RBM33: variants seen among roughly 807,000 people sequenced by gnomAD.
RBM33 encodes the protein RNA binding motif protein 33.
RBM33 carries 28 observed loss-of-function variants against 132.6 expected under a neutral mutation model. That is an observed-to-expected ratio of 0.21 (90% CI 0.16 to 0.29). The LOEUF is 0.29. RBM33 is among the 10% of genes least tolerant of loss of function. The pLI is 1.00. For synonymous variants in RBM33, 634 were observed against 593.0 expected (o/e 1.07, Z -1.01); for missense variants, 1,291 against 1,518.5 (o/e 0.85, Z 2.49).
At position 155,711,246 on chromosome 7, in the gene RBM33, C is replaced by T. The variant is rs754757187; in HGVS notation, c.992C>T (p.Pro331Leu). 31 of 1,597,110 alleles carry T rather than the reference C, an allele frequency of 1.9e-5. No individual in the cohort carries two copies. Among genetic ancestry groups the T allele is most frequent in the Non-Finnish European group, 1.5e-5 (17 of 1,172,226 alleles). Residue 331 changes from proline (P) to leucine (L), a missense_variant, in exon 8 of 18, where the codon CCG becomes CTG. Pro to Leu is a moderately conservative substitution (Grantham distance 98). Around this residue, in one of 7 missense-constraint regions of RBM33, gnomAD observed 146 missense variants for 137.1 expected, o/e 1.07. Coordinates refer to ENST00000401878, the MANE Select transcript of RBM33 (RefSeq NM_053043.3). ...PPPPPPPQQQ[P>L]IRSLFQPQPL... The stretch of plus-strand genomic sequence containing the variant: ...CCGCCACCGCCGCCTCAGCAGCAGC[C>T]GATCAGAAGCCTGTTCCAGCCGCAG...
intron 13 of RBM33, 24 bp downstream of exon 13, chr7:155,742,130 A>G (rs1241597683): frequency 6.3e-7 from 1 of 1,579,808 alleles, no homozygotes; most frequent in Admixed American, 1.8e-5. Flanking sequence ...CTTATTAACA[A>G]ATGTTGGTCT....
rs1802526696 is a variant in RBM33 at position 155,774,064 on chromosome 7, C to T, written c.3376-495C>T. Among the ~76,000 whole-genome samples the T allele has an allele frequency of 6.6e-6, 1 of 152,256 alleles. No homozygotes were observed. Among genetic ancestry groups the T allele is most frequent in the African/African-American group, 2.4e-5 (1 of 41,474 alleles). On this transcript the variant is annotated intron_variant, in intron 16 of 17. Transcript: ENST00000401878. The surrounding 1 kb of genome is among the most constrained non-coding windows in gnomAD (Gnocchi z 4.2). The stretch of plus-strand genomic sequence containing the variant: ...TCTGCCCCAGGCACCACTGCCCTCA[C>T]CATGGCCCAGCCAGATGCACAGAGA...
chr7:155,697,543 TTTCTC>T (rs1362236047), intron 5 of RBM33, among the ~76,000 whole-genome samples: 1 of 152,098 alleles, frequency 6.6e-6, no homozygotes, highest in African/African-American at 2.4e-5. Context: ...TAAGCAATGT[TTTCTC>T]TTTTGCACTC....
At chr7:155,744,125 G>GT (rs765996317) in intron 13 of RBM33, among the ~76,000 whole-genome samples, 1 of 152,202 alleles carries the variant, frequency 6.6e-6, no homozygotes, top group Non-Finnish European at 1.5e-5. Flanking sequence ...AATTCTTAAG[G>GT]TTTATTTAGG....
At chr7:155,677,575 G>A (rs1407740392) in intron 3 of RBM33, among the ~76,000 whole-genome samples, 2 of 152,162 alleles carry the variant, frequency 1.3e-5, no homozygotes, top group Non-Finnish European at 2.9e-5. Flanking sequence ...TCTCCCTTCT[G>A]CAAATAAACT....
intron 9 of RBM33, among the ~76,000 whole-genome samples, chr7:155,737,167 G>A (rs894712930): frequency 6.6e-6 from 1 of 152,214 alleles, no homozygotes; most frequent in South Asian, 2.1e-4. Context: ...GTAACATGCT[G>A]CGCTGGTATG....
At chr7:155,761,160 C>T (rs997055358) in intron 14 of RBM33, among the ~76,000 whole-genome samples, 1 of 152,204 alleles carries the variant, frequency 6.6e-6, no homozygotes, top group African/African-American at 2.4e-5. Flanking sequence ...TGGGATGAAT[C>T]TTACCTGGTC....
intron 9 of RBM33, among the ~76,000 whole-genome samples, chr7:155,728,721 A>G (rs997197276): frequency 1.3e-5 from 2 of 152,176 alleles, no homozygotes; most frequent in Non-Finnish European, 2.9e-5. Context: ...TTACACTTAC[A>G]TATGTGATGA....
rs752301107 is a variant in RBM33, at chr7:155,775,360, C to G, written c.*319C>G. ...GTTCTTTGTGGTCTGACTCTATGAT[C>G]GATCACAGTGACTTAGATTCAGGAA... is the stretch of plus-strand genomic sequence containing the variant. On this transcript the variant is annotated 3_prime_UTR_variant, in exon 18 of 18. Transcript: ENST00000401878. 2 of 485,054 alleles carry G rather than the reference C, an allele frequency of 4.1e-6. No individual in the cohort carries two copies. Among genetic ancestry groups the G allele is most frequent in the Non-Finnish European group, 7.6e-6 (2 of 264,080 alleles). 30.0% of individuals were successfully genotyped at this position (485,054 alleles called of 1,614,324 possible). A position where few individuals can be genotyped will look rare whatever the true frequency, so the allele number is the denominator to read the frequency against.
intron 9 of RBM33, among the ~76,000 whole-genome samples, chr7:155,732,853 A>C (rs6948930): frequency 6.6e-6 from 1 of 152,024 alleles, no homozygotes; most frequent in African/African-American, 2.4e-5. Flanking sequence ...GCCCAGGGAC[A>C]GGTGAAAAAC....
At chr7:155,657,041 G>A (rs574833746) in intron 1 of RBM33, among the ~76,000 whole-genome samples, 3 of 151,702 alleles carry the variant, frequency 2.0e-5, no homozygotes, top group African/African-American at 7.3e-5. Context: ...AATAGTTGTC[G>A]AGTGAAGGAT....
At chr7:155,714,060 C>T (rs1251894770) in intron 8 of RBM33, among the ~76,000 whole-genome samples, 3 of 152,138 alleles carry the variant, frequency 2.0e-5, no homozygotes, top group East Asian at 3.9e-4. Flanking sequence ...TTGGAGCATC[C>T]GTTCGTGCTT....
At position 155,740,035 on chromosome 7, in the gene RBM33, C is replaced by T; in HGVS notation, c.2049+9C>T. ...GCCAGGGGCTCCGGCATGTAAGTGTCAAGGGGTGTCTTCCCTGTGTCTTCC... is the reference window on the plus strand; with the variant it reads ...GCCAGGGGCTCCGGCATGTAAGTGTTAAGGGGTGTCTTCCCTGTGTCTTCC... On this transcript the variant is annotated intron_variant, in intron 12 of 17. Coordinates refer to ENST00000401878, the MANE Select transcript of RBM33 (RefSeq NM_053043.3). 3 of 1,525,744 alleles carry T rather than the reference C, an allele frequency of 2.0e-6. No individual in the cohort carries two copies. The highest frequency in any genetic ancestry group is 2.7e-6 in the Non-Finnish European group (3 of 1,130,344). The allele number at this position is 1,525,744 out of a possible 1,614,324, so 94.5% of individuals were successfully genotyped here. A position where few individuals can be genotyped will look rare whatever the true frequency, so the allele number is the denominator to read the frequency against.
intron 9 of RBM33, among the ~76,000 whole-genome samples, chr7:155,723,813 TA>T (rs1210833229): frequency 6.6e-6 from 1 of 152,222 alleles, no homozygotes; most frequent in Non-Finnish European, 1.5e-5. Flanking sequence ...AACTGCTTTA[TA>T]AAGTATGTGA....
chr7:155,657,567 G>C (rs1286622536), intron 1 of RBM33, among the ~76,000 whole-genome samples: 1 of 152,168 alleles, frequency 6.6e-6, no homozygotes, highest in African/African-American at 2.4e-5. Context: ...CCATGCACAG[G>C]CATGAGCATG....
chr7:155,765,942 G>T (rs1385136089), intron 15 of RBM33, among the ~76,000 whole-genome samples: 4 of 152,192 alleles, frequency 2.6e-5, no homozygotes, highest in Admixed American at 6.5e-5. Context: ...TGCAGAATCT[G>T]CCTGGGAGGG....
At chr7:155,736,446 A>T (rs1585507071) in intron 9 of RBM33, among the ~76,000 whole-genome samples, 1 of 152,338 alleles carries the variant, frequency 6.6e-6, no homozygotes, top group African/African-American at 2.4e-5. Context: ...ACATTTCTTT[A>T]CCTTTATGCT....
At chr7:155,722,985 G>A (rs1229803223) in intron 9 of RBM33, among the ~76,000 whole-genome samples, 1 of 152,194 alleles carries the variant, frequency 6.6e-6, no homozygotes, top group Non-Finnish European at 1.5e-5. Flanking sequence ...ATACTTTTAA[G>A]TTTGAATGCA....
chr7:155,718,958 C>G (rs913124466), intron 9 of RBM33, among the ~76,000 whole-genome samples: 1 of 152,168 alleles, frequency 6.6e-6, no homozygotes, highest in Non-Finnish European at 1.5e-5. Flanking sequence ...TATTCTCTCT[C>G]TCTCTCTCTC....
Sources: allele counts gnomAD v4.1 joint callset (sites outside exome capture counted in the v4.1 genomes callset), GRCh38; gene constraint gnomAD v4.1.1; regional missense constraint gnomAD v4.1.1; non-coding constraint Gnocchi (gnomAD v3.1); transcripts MANE v1.5; gene names NCBI Gene and HGNC (gene_info 2026-07-23, HGNC 2026-07-21).